The following TAFA4 variants were observed in gnomAD, a reference collection of about 807,000 sequenced individuals.
TAFA4 encodes TAFA chemokine like family member 4.
Under a neutral mutation model 21.1 loss-of-function variants are expected in TAFA4, and 20 were observed. The ratio of observed to expected loss-of-function variants is 0.95; its 90% CI spans 0.67 to 1.38. TAFA4 has a LOEUF of 1.38. Among genes scored for constraint, TAFA4 ranks in the 40% most tolerant of loss-of-function variants. The pLI is 0.00. For synonymous variants in TAFA4, 71 were observed against 67.4 expected (o/e 1.05, Z -0.26); for missense variants, 211 against 180.9 (o/e 1.17, Z -0.95).
chr3:68,814,875 A>T (rs983705058), intron 3 of TAFA4, among the ~76,000 whole-genome samples: 1 of 152,198 alleles, frequency 6.6e-6, no homozygotes, highest in African/African-American at 2.4e-5. Flanking sequence ...AAGCCAAAAG[A>T]ACAAAGCTGG....
chr3:68,739,837 A>T (rs1056632708), intron 4 of TAFA4, among the ~76,000 whole-genome samples: 1 of 152,330 alleles, frequency 6.6e-6, no homozygotes, highest in East Asian at 1.9e-4. Context: ...ACACAGAGAC[A>T]TAGAGTCATG....
intron 4 of TAFA4, among the ~76,000 whole-genome samples, chr3:68,746,002 T>C (rs1357799982): frequency 1.3e-5 from 2 of 152,178 alleles, no homozygotes; most frequent in Admixed American, 6.5e-5. Flanking sequence ...GGGTGGGCAC[T>C]ATCTAATCAC....
chr3:68,801,262 G>T (rs1036483970), intron 3 of TAFA4, among the ~76,000 whole-genome samples: 1 of 152,150 alleles, frequency 6.6e-6, no homozygotes, highest in African/African-American at 2.4e-5. Flanking sequence ...CCAAAATATC[G>T]GAAGGGATTA....
rs184908029 is a variant in TAFA4, at chr3:68,782,392, G to A, written c.131-29374C>T. Among the ~76,000 whole-genome samples, 6 of 152,250 alleles carry A rather than the reference G, an allele frequency of 3.9e-5. No homozygotes were observed. In the East Asian group the frequency reaches 1.2e-3, roughly 29 times the overall value. Reference sequence around the variant, plus strand: ...GGAAACTTCATACATTTCTGATGGGGATGTAAAATGGTGCAAAACAGATGT... The same window carrying A: ...GGAAACTTCATACATTTCTGATGGGAATGTAAAATGGTGCAAAACAGATGT... On this transcript the variant is annotated intron_variant, in intron 3 of 5. Transcript: ENST00000295569.
At chr3:68,822,389 A>T (rs1202023317) in intron 3 of TAFA4, among the ~76,000 whole-genome samples, 1 of 152,072 alleles carries the variant, frequency 6.6e-6, no homozygotes, top group Admixed American at 6.5e-5. Context: ...CTTTTTTCTT[A>T]TTCACTCCTG....
chr3:68,733,135 C>G lies in TAFA4; in HGVS notation c.*7G>C. The G allele has an allele frequency of 6.2e-7, 1 of 1,613,254 alleles. No homozygotes were observed. The highest frequency in any genetic ancestry group is 1.7e-5 in the Admixed American group (1 of 59,958). On this transcript the variant is annotated 3_prime_UTR_variant, in exon 6 of 6. Coordinates refer to ENST00000295569, the MANE Select transcript of TAFA4 (RefSeq NM_182522.5). The stretch of plus-strand genomic sequence containing the variant: ...CCCTCCAGGATTGAAGCACACCTCT[C>G]TCTTCGCTACCGCGTTACCTAAAAC...
intron 4 of TAFA4, among the ~76,000 whole-genome samples, chr3:68,741,810 AAAT>A (rs1200963636): frequency 6.6e-6 from 1 of 152,072 alleles, no homozygotes; most frequent in East Asian, 1.9e-4. Flanking sequence ...ATAAAAATAA[AAAT>A]AAAAACTCTC....
chr3:68,772,850 G>A (rs773672355), intron 3 of TAFA4, among the ~76,000 whole-genome samples: 31 of 151,900 alleles, frequency 2.0e-4, no homozygotes, highest in East Asian at 1.4e-3. Flanking sequence ...CCATCCATCC[G>A]TCAATCCATC....
intron 3 of TAFA4, among the ~76,000 whole-genome samples, chr3:68,824,734 T>C (rs1449835999): frequency 6.6e-6 from 1 of 152,176 alleles, no homozygotes; most frequent in Non-Finnish European, 1.5e-5. Flanking sequence ...ATCTTCAGGC[T>C]CACAGATGAC....
intron 3 of TAFA4, among the ~76,000 whole-genome samples, chr3:68,876,538 G>A (rs2089551657): frequency 6.6e-6 from 1 of 152,130 alleles, no homozygotes; most frequent in Non-Finnish European, 1.5e-5. Context: ...TAGAAAATTA[G>A]AACTAAAACA....
chr3:68,853,300 T>C (rs17048062), intron 3 of TAFA4, among the ~76,000 whole-genome samples: 3,091 of 152,246 alleles, frequency 0.02, 105 homozygotes, highest in African/African-American at 0.065. Flanking sequence ...CATGAGTCAG[T>C]TGTGTTTTGA....
chr3:68,762,608 A>G (rs1053386160), intron 3 of TAFA4, among the ~76,000 whole-genome samples: 14 of 152,346 alleles, frequency 9.2e-5, no homozygotes, highest in Middle Eastern at 3.4e-3. Flanking sequence ...AGAATAAAGT[A>G]TGCCTTGCCC....
intron 3 of TAFA4, among the ~76,000 whole-genome samples, chr3:68,855,924 G>C (rs1705059218): frequency 6.6e-6 from 1 of 152,042 alleles, no homozygotes; most frequent in Non-Finnish European, 1.5e-5. Context: ...GTTTTCCTTT[G>C]CCCTTTCCTG....
chr3:68,759,480 C>G (rs1702720915), intron 3 of TAFA4, among the ~76,000 whole-genome samples: 1 of 152,140 alleles, frequency 6.6e-6, no homozygotes, highest in Admixed American at 6.5e-5. Context: ...TATAAACTTA[C>G]TTACTTCTCT....
rs75290533 is a variant in TAFA4 at position 68,873,933 on chromosome 3, T to A, written c.130+6797A>T. Among the ~76,000 whole-genome samples the A allele has an allele frequency of 5.3e-5, 8 of 152,278 alleles. No homozygotes were observed. The East Asian group carries it at 1.5e-3, about 29-fold the overall frequency. ...AGCCCTTTCCCAGGTAGCTGTGCAA[T>A]GTCAGTGATGAGCTACTGAAAAATT... On this transcript the variant is annotated intron_variant, in intron 3 of 5. Transcript: ENST00000295569.
chr3:68,735,650 T>C (rs1010326130), intron 5 of TAFA4, among the ~76,000 whole-genome samples: 5 of 152,008 alleles, frequency 3.3e-5, no homozygotes, highest in Non-Finnish European at 7.4e-5. Context: ...TAGAGAGCCA[T>C]TTGAGGAAGA....
chr3:68,908,595 A>G (rs759416475), intron 1 of TAFA4, among the ~76,000 whole-genome samples: 27 of 152,354 alleles, frequency 1.8e-4, no homozygotes, highest in Non-Finnish European at 4.4e-5. Context: ...GGTAAATGCA[A>G]AACATTAAGC....
chr3:68,771,484 G>A (rs941046124), intron 3 of TAFA4, among the ~76,000 whole-genome samples: 3 of 152,178 alleles, frequency 2.0e-5, no homozygotes, highest in Non-Finnish European at 4.4e-5. Flanking sequence ...CTGAAAATAT[G>A]AGCCACACCC....
chr3:68,925,651 A>T (rs2090100631), intron 1 of TAFA4, among the ~76,000 whole-genome samples: 1 of 152,214 alleles, frequency 6.6e-6, no homozygotes, highest in South Asian at 2.1e-4. Flanking sequence ...TAACTTTTGG[A>T]TGTTTTATGA....
Sources: allele counts gnomAD v4.1 joint callset (sites outside exome capture counted in the v4.1 genomes callset), GRCh38; gene constraint gnomAD v4.1.1; transcripts MANE v1.5; gene names NCBI Gene and HGNC (gene_info 2026-07-23, HGNC 2026-07-21).